The following ITPRID1 variants were observed in gnomAD, a reference collection of about 807,000 sequenced individuals.
The protein encoded by ITPRID1 is protein ITPRID1.
A neutral mutation model predicts 95.4 loss-of-function variants in ITPRID1; 96 were observed. That is an observed-to-expected ratio of 1.01 (90% CI 0.85 to 1.19). The LOEUF is 1.19. Among genes scored for constraint, ITPRID1 ranks in the 50% most tolerant of loss-of-function variants. The pLI is 0.00. For missense variants in ITPRID1, 1,339 were observed against 1,252.9 expected, an observed-to-expected ratio of 1.07 and a Z score of -1.04; for synonymous variants, 510 against 453.6, an observed-to-expected ratio of 1.12 and a Z score of -1.58.
intron 1 of ITPRID1, among the ~76,000 whole-genome samples, chr7:31,547,842 A>G (rs927981484): frequency 5.3e-5 from 8 of 152,158 alleles, no homozygotes; most frequent in Non-Finnish European, 1.2e-4. Context: ...CAAAATGTGT[A>G]TAGACATTCA....
At chr7:31,583,850 T>G (rs1562587546) in intron 10 of ITPRID1, among the ~76,000 whole-genome samples, 2 of 152,192 alleles carry the variant, frequency 1.3e-5, no homozygotes, top group South Asian at 2.1e-4. Flanking sequence ...TGCTTCATAG[T>G]GCACATGCTG....
Position 31,574,602 on chromosome 7 carries a change from T to C in ITPRID1, c.458T>C (p.Phe153Ser), listed in dbSNP as rs1256661037. The change falls in exon 8 of 15, where the codon TTT (phenylalanine) becomes TCT (serine). Residue 153 changes from phenylalanine (F) to serine (S), a missense_variant. Phe to Ser is a radical substitution (Grantham distance 155). Transcript: ENST00000615280. ...GTGGAGATTCTCTTGGATCTGGGGT[T>C]TGGTGCTGATGAGCCAGACATCTGC... ...DPVEILLDLG[F>S]GADEPDICMQ... is the part of the protein sequence containing the mutation. The C allele has an allele frequency of 6.2e-7, 1 of 1,613,950 alleles. No individual in the cohort carries two copies. Among genetic ancestry groups the C allele is most frequent in the Non-Finnish European group, 8.5e-7 (1 of 1,179,844 alleles).
chr7:31,579,623 C>A (rs1011371104), intron 9 of ITPRID1, among the ~76,000 whole-genome samples: 2 of 152,118 alleles, frequency 1.3e-5, no homozygotes, highest in African/African-American at 4.8e-5. Flanking sequence ...TAAAGAAATT[C>A]ATAGAAAGTA....
intron 10 of ITPRID1, among the ~76,000 whole-genome samples, chr7:31,603,567 A>G (rs1786490161): frequency 6.6e-6 from 1 of 152,108 alleles, no homozygotes; most frequent in African/African-American, 2.4e-5. Context: ...GATATAACAC[A>G]CTACACTTGT....
intron 1 of ITPRID1, among the ~76,000 whole-genome samples, chr7:31,520,367 C>T (rs1205970100): frequency 6.6e-6 from 1 of 152,106 alleles, no homozygotes; most frequent in Non-Finnish European, 1.5e-5. Context: ...AGTCACTATG[C>T]ACATCGCACA....
intron 1 of ITPRID1, among the ~76,000 whole-genome samples, chr7:31,519,781 T>C (rs1783184524): frequency 6.6e-6 from 1 of 151,332 alleles, no homozygotes; most frequent in Non-Finnish European, 1.5e-5. Flanking sequence ...AATAAATACA[T>C]TTTAATTTTT....
At chr7:31,531,543 G>T (rs1783597066) in intron 1 of ITPRID1, among the ~76,000 whole-genome samples, 1 of 152,150 alleles carries the variant, frequency 6.6e-6, no homozygotes, top group Non-Finnish European at 1.5e-5. Context: ...CATTAGGTTT[G>T]GCTGTGTCAG....
At chr7:31,590,946 G>C (rs977229794) in intron 10 of ITPRID1, among the ~76,000 whole-genome samples, 1 of 152,214 alleles carries the variant, frequency 6.6e-6, no homozygotes, top group Non-Finnish European at 1.5e-5. Context: ...TTCTCATACA[G>C]TTCAAAGTGG....
chr7:31,616,052 G>A (rs1787186875), intron 10 of ITPRID1, among the ~76,000 whole-genome samples: 1 of 152,056 alleles, frequency 6.6e-6, no homozygotes, highest in Admixed American at 6.6e-5. Flanking sequence ...CGAGTTTACT[G>A]AGAATTCTAA....
chr7:31,649,217 A>T (rs983244773), intron 12 of ITPRID1, among the ~76,000 whole-genome samples: 1 of 152,240 alleles, frequency 6.6e-6, no homozygotes, highest in Non-Finnish European at 1.5e-5. Flanking sequence ...TACTCTTAGG[A>T]AAGTATTTCC....
chr7:31,568,087 C>G (rs933082111), intron 5 of ITPRID1, among the ~76,000 whole-genome samples: 1 of 150,814 alleles, frequency 6.6e-6, no homozygotes, highest in Admixed American at 6.6e-5. Context: ...AATCACGACA[C>G]TGCACTCCAG....
intron 10 of ITPRID1, among the ~76,000 whole-genome samples, chr7:31,593,261 A>G (rs1456354485): frequency 6.6e-6 from 1 of 152,110 alleles, no homozygotes; most frequent in African/African-American, 2.4e-5. Flanking sequence ...CCAAAATCAT[A>G]CCACTGCACT....
At chr7:31,637,713 A>T (rs1369728018) in intron 10 of ITPRID1, among the ~76,000 whole-genome samples, 1 of 152,016 alleles carries the variant, frequency 6.6e-6, no homozygotes, top group African/African-American at 2.4e-5. Context: ...GGTAGTTTCT[A>T]TTGCTGTGCA....
chr7:31,564,641 A>G (rs770765238), intron 5 of ITPRID1, among the ~76,000 whole-genome samples: 27 of 152,284 alleles, frequency 1.8e-4, no homozygotes, highest in Non-Finnish European at 2.5e-4. Context: ...AAACCTGGGA[A>G]AATCCAGGTA....
chr7:31,577,990 AG>A lies in ITPRID1; in HGVS notation c.727del (p.Val243Ter). 2 of 1,613,862 alleles carry A rather than the reference AG, an allele frequency of 1.2e-6. No homozygotes were observed. The highest frequency in any genetic ancestry group is 8.5e-7 in the Non-Finnish European group (1 of 1,179,844). On this transcript the variant is annotated frameshift_variant, in exon 9 of 15. Transcript: ENST00000615280. LOFTEE classifies it high-confidence loss of function. ...GAGGAGAGAGTGTGCAAAGAACCTC[AG>A]TGAGTGCCGCCAAAGAGCATCGAAG... ...AGGESVQRTS[V>X]SAAKEHRRRM...
At chr7:31,560,755 A>G (rs1165254147) in intron 5 of ITPRID1, among the ~76,000 whole-genome samples, 1 of 152,230 alleles carries the variant, frequency 6.6e-6, no homozygotes, top group African/African-American at 2.4e-5. Flanking sequence ...GTTCAATTTT[A>G]GGCATGTCGT....
intron 10 of ITPRID1, among the ~76,000 whole-genome samples, chr7:31,590,200 C>T (rs1016208393): frequency 1.3e-5 from 2 of 152,084 alleles, no homozygotes; most frequent in Non-Finnish European, 2.9e-5. Context: ...TACCAAGTAT[C>T]TGGGATCACA....
intron 12 of ITPRID1, among the ~76,000 whole-genome samples, chr7:31,647,195 A>G (rs569500718): frequency 6.6e-5 from 10 of 152,376 alleles, no homozygotes; most frequent in Non-Finnish European, 1.3e-4. Context: ...ATGCAGCAAC[A>G]TCTACTAAGA....
chr7:31,550,808 T>G (rs770048019), intron 2 of ITPRID1, among the ~76,000 whole-genome samples: 6 of 143,152 alleles, frequency 4.2e-5, no homozygotes, highest in Admixed American at 7.0e-5. Flanking sequence ...GGCTGGAGGC[T>G]GAGGTCAAGT....
Sources: gnomAD v4.1 joint callset for allele counts (sites outside exome capture counted in the v4.1 genomes callset) on GRCh38, gnomAD v4.1.1 for gene constraint, MANE v1.5 for transcripts, NCBI Gene and HGNC (gene_info 2026-07-23, HGNC 2026-07-21) for gene names.